Variants in TENM3 observed in about 807,000 individuals in gnomAD.
TENM3 encodes the protein teneurin transmembrane protein 3.
A neutral mutation model predicts 255.1 loss-of-function variants in TENM3; 63 were observed. That is an observed-to-expected ratio of 0.25 (90% CI 0.20 to 0.30). The LOEUF is 0.30. TENM3 is among the 10% of genes least tolerant of loss of function. The probability of loss-of-function intolerance (pLI) is 1.00; values close to 1 mark genes in which losing one functional copy is unlikely to be tolerated. For missense variants in TENM3, 2,929 were observed against 3,461.1 expected, an observed-to-expected ratio of 0.85 and a Z score of 3.86; for synonymous variants, 1,306 against 1,322.3, an observed-to-expected ratio of 0.99 and a Z score of 0.27.
the TENM3 span, among the ~76,000 whole-genome samples, chr4:181,493,020 G>GAA: frequency 6.9e-6 from 1 of 145,632 alleles, no homozygotes; most frequent in South Asian, 2.2e-4. Flanking sequence ...ACCATTGTGA[G>GAA]AAAAAAAAAA....
chr4:181,699,592 T>C, the TENM3 span, among the ~76,000 whole-genome samples: 2 of 152,166 alleles, frequency 1.3e-5, no homozygotes, highest in East Asian at 3.9e-4. Flanking sequence ...AAATATAATT[T>C]CCTTTAAATT....
At chr4:181,476,209 T>A in the TENM3 span, among the ~76,000 whole-genome samples, 1 of 30,886 alleles carries the variant, frequency 3.2e-5, no homozygotes, top group African/African-American at 2.3e-4. Flanking sequence ...TTTAGGGGTT[T>A]TTTTTTTTTT....
At chr4:181,936,049 T>C in the TENM3 span, among the ~76,000 whole-genome samples, 2 of 152,180 alleles carry the variant, frequency 1.3e-5, no homozygotes, top group Non-Finnish European at 2.9e-5. Context: ...TAGATATTTA[T>C]TACGGGATTA....
At chr4:181,467,123 ATATTTTTTTTTTTTTT>A in the TENM3 span, among the ~76,000 whole-genome samples, 3 of 17,976 alleles carry the variant, frequency 1.7e-4, no homozygotes, top group Non-Finnish European at 2.6e-4. Flanking sequence ...ATATATATAT[ATATTTTTTTTTTTTTT>A]TTTTTTTTTA....
At chr4:181,683,819 G>A in the TENM3 span, among the ~76,000 whole-genome samples, 3 of 152,110 alleles carry the variant, frequency 2.0e-5, no homozygotes, top group Non-Finnish European at 1.5e-5. Context: ...ACAGAAGGTG[G>A]GGGTTCAGAG....
the TENM3 span, among the ~76,000 whole-genome samples, chr4:181,595,356 A>G: frequency 2.1e-5 from 3 of 145,568 alleles, no homozygotes; most frequent in Non-Finnish European, 4.5e-5. Context: ...GCTTAAACCC[A>G]GGAGGCGGAG....
At chr4:182,646,767 A>G (rs1752786796) in intron 5 of TENM3, among the ~76,000 whole-genome samples, 1 of 152,108 alleles carries the variant, frequency 6.6e-6, no homozygotes, top group South Asian at 2.1e-4. Context: ...CATAAAAATA[A>G]AAAAATTTAA....
intron 12 of TENM3, chr4:182,711,540 T>C: frequency 1.0e-6 from 1 of 966,650 alleles, no homozygotes. Context: ...TTCTGAAATG[T>C]CTGTCTGTTC....
At chr4:182,784,287 C>G (rs1325008836) in intron 24 of TENM3, among the ~76,000 whole-genome samples, 1 of 152,204 alleles carries the variant, frequency 6.6e-6, no homozygotes, top group Non-Finnish European at 1.5e-5. Context: ...GGACCCTCAG[C>G]TGCAGGTCTG....
At chr4:182,701,289 C>T (rs945310501) in intron 12 of TENM3, among the ~76,000 whole-genome samples, 4 of 127,790 alleles carry the variant, frequency 3.1e-5, no homozygotes, top group South Asian at 2.6e-4. Context: ...GGCACGATCT[C>T]GGCTCACTGC....
At chr4:181,559,775 G>A in the TENM3 span, among the ~76,000 whole-genome samples, 1 of 152,188 alleles carries the variant, frequency 6.6e-6, no homozygotes, top group East Asian at 1.9e-4. Context: ...CTAGGAGGCT[G>A]CACTCAGCCG....
intron 1 of TENM3, among the ~76,000 whole-genome samples, chr4:182,207,134 A>G (rs1201505503): frequency 6.6e-6 from 1 of 152,214 alleles, no homozygotes; most frequent in Non-Finnish European, 1.5e-5. Flanking sequence ...CTATTATGCT[A>G]TGCTTCTGAG....
chr4:182,122,702 T>C, the TENM3 span, among the ~76,000 whole-genome samples: 6 of 152,170 alleles, frequency 3.9e-5, no homozygotes, highest in Non-Finnish European at 7.3e-5. Context: ...CTTAGGAATT[T>C]TGGAATGATA....
chr4:182,674,044 A>T (rs1294796650), intron 7 of TENM3, among the ~76,000 whole-genome samples: 4 of 152,218 alleles, frequency 2.6e-5, no homozygotes, highest in Non-Finnish European at 5.9e-5. Context: ...TTTCCCCAAG[A>T]TCAACTATTA....
chr4:182,684,628 A>C (rs1756436782), intron 11 of TENM3, among the ~76,000 whole-genome samples: 1 of 152,100 alleles, frequency 6.6e-6, no homozygotes. Flanking sequence ...CTTAGACAGT[A>C]AGTGCTCAGT....
chr4:182,631,031 T>C (rs1751319374), intron 5 of TENM3, among the ~76,000 whole-genome samples: 1 of 152,206 alleles, frequency 6.6e-6, no homozygotes, highest in African/African-American at 2.4e-5. Flanking sequence ...CATTAGTGAA[T>C]ATAACTCTCA....
chr4:181,860,031 A>G, the TENM3 span, among the ~76,000 whole-genome samples: 1 of 152,206 alleles, frequency 6.6e-6, no homozygotes, highest in East Asian at 1.9e-4. Flanking sequence ...CTGATTTCCT[A>G]AAGCCAGTTG....
At chr4:182,204,054 A>G (rs1246171222) in intron 1 of TENM3, among the ~76,000 whole-genome samples, 3 of 152,228 alleles carry the variant, frequency 2.0e-5, no homozygotes, top group Non-Finnish European at 4.4e-5. Context: ...TAATGGATAG[A>G]GGGCTGGATA....
chr4:182,220,524 G>T (rs867360289), intron 1 of TENM3, among the ~76,000 whole-genome samples: 30 of 149,840 alleles, frequency 2.0e-4, no homozygotes. Flanking sequence ...CTGGCATCAC[G>T]CAGCATGCTG....
Sources: gnomAD v4.1 joint callset for allele counts (sites outside exome capture counted in the v4.1 genomes callset) on GRCh38, gnomAD v4.1.1 for gene constraint, MANE v1.5 for transcripts, NCBI Gene and HGNC (gene_info 2026-07-23, HGNC 2026-07-21) for gene names.